The following SLC6A15 variants were observed in gnomAD, a reference collection of about 807,000 sequenced individuals.
SLC6A15 encodes sodium-dependent neutral amino acid transporter B(0)AT2.
In SLC6A15, 33 loss-of-function variants were observed where a neutral mutation model predicts 68.5. That is an observed-to-expected ratio of 0.48 (90% confidence interval 0.37 to 0.64). The LOEUF (loss-of-function observed/expected upper bound fraction) is 0.64. Ranked by LOEUF, SLC6A15 falls within the 30% of genes least tolerant of loss-of-function variation. The probability of loss-of-function intolerance (pLI) is 0.00; values close to 1 mark genes in which losing one functional copy is unlikely to be tolerated. For synonymous variants in SLC6A15, 347 were observed against 301.0 expected (o/e 1.15, Z -1.58); for missense variants, 747 against 874.3 (o/e 0.85, Z 1.84).
At chr12:84,873,890 C>T (rs1041198758) in intron 6 of SLC6A15, among the ~76,000 whole-genome samples, 1 of 152,118 alleles carries the variant, frequency 6.6e-6, no homozygotes, top group Non-Finnish European at 1.5e-5. Context: ...AAGAAATTCA[C>T]CTATATTGTC....
chr12:84,891,285 A>T (rs1263931170), intron 2 of SLC6A15, among the ~76,000 whole-genome samples: 1 of 152,204 alleles, frequency 6.6e-6, no homozygotes, highest in Non-Finnish European at 1.5e-5. Flanking sequence ...AATGCCTAAG[A>T]ATGAAGAATG....
chr12:84,876,372 C>A, intron 6 of SLC6A15, 125 bp downstream of exon 6: 1 of 511,222 alleles, frequency 2.0e-6, no homozygotes, highest in Non-Finnish European at 3.4e-6. Context: ...TGGTTAACAA[C>A]TATAATTTAA....
At chr12:84,881,751 T>A in intron 5 of SLC6A15, 1 of 894,550 alleles carries the variant, frequency 1.1e-6, no homozygotes, top group Non-Finnish European at 1.3e-6. Context: ...ACACTGTTTA[T>A]TTGGAGGCAT....
chr12:84,909,138 C>T (rs187983194), intron 1 of SLC6A15, among the ~76,000 whole-genome samples: 193 of 152,232 alleles, frequency 1.3e-3, no homozygotes, highest in African/African-American at 4.6e-3. Context: ...GCACTACCAC[C>T]AGCAATGCAT....
intron 9 of SLC6A15, among the ~76,000 whole-genome samples, chr12:84,870,185 TGTCA>T (rs139643887): frequency 0.042 from 6,310 of 151,434 alleles, 390 homozygotes; most frequent in African/African-American, 0.14. Flanking sequence ...TTTATTCTAG[TGTCA>T]GTCATTCTTG....
At chr12:84,871,129 G>T (rs1302127116) in intron 8 of SLC6A15, among the ~76,000 whole-genome samples, 1 of 150,630 alleles carries the variant, frequency 6.6e-6, no homozygotes, top group East Asian at 1.9e-4. Context: ...TCAATCAATT[G>T]TTGTTATATA....
chr12:84,880,572 TAGTA>T (rs1045743389), intron 5 of SLC6A15, among the ~76,000 whole-genome samples: 37 of 152,306 alleles, frequency 2.4e-4, no homozygotes, highest in African/African-American at 8.7e-4. Flanking sequence ...GTCTAGAACA[TAGTA>T]AGTGCTTAAT....
intron 5 of SLC6A15, chr12:84,882,548 G>A: frequency 1.3e-6 from 1 of 779,074 alleles, no homozygotes; most frequent in Non-Finnish European, 1.6e-6. Context: ...AGATGAATTA[G>A]ACAGACTTCT....
chr12:84,896,472 G>A (rs919959563), intron 1 of SLC6A15, among the ~76,000 whole-genome samples: 3 of 152,068 alleles, frequency 2.0e-5, no homozygotes, highest in African/African-American at 4.8e-5. Flanking sequence ...GTTATGGACC[G>A]TAAAGCCTAA....
intron 5 of SLC6A15, chr12:84,883,223 AAAT>A: frequency 1.0e-6 from 1 of 985,178 alleles, no homozygotes; most frequent in Non-Finnish European, 1.2e-6. Context: ...CGTCCTTTAA[AAAT>A]AATAACAAAC....
intron 1 of SLC6A15, among the ~76,000 whole-genome samples, chr12:84,906,016 T>G (rs569989212): frequency 6.0e-4 from 92 of 152,296 alleles, no homozygotes; most frequent in African/African-American, 1.6e-3. Context: ...AGTATTCAAT[T>G]TTTTTGCAGA....
intron 1 of SLC6A15, among the ~76,000 whole-genome samples, chr12:84,906,245 T>C (rs553156154): frequency 6.6e-6 from 1 of 152,282 alleles, no homozygotes; most frequent in South Asian, 2.1e-4. Context: ...ACCTGGATGG[T>C]ACATTTTTGC....
At chr12:84,876,714 G>T in intron 5 of SLC6A15, 107 bp from the exon 6 acceptor site, 1 of 521,724 alleles carries the variant, frequency 1.9e-6, no homozygotes, top group Non-Finnish European at 3.3e-6. Flanking sequence ...TTTCATGACA[G>T]GATTAATAAA....
chr12:84,862,212 A>G (rs1226104739), intron 11 of SLC6A15, among the ~76,000 whole-genome samples: 2 of 152,086 alleles, frequency 1.3e-5, no homozygotes, highest in African/African-American at 4.8e-5. Flanking sequence ...TTCTTAGAAT[A>G]TTGCCCTGAA....
In SLC6A15 at chr12:84,910,928, C is replaced by CGTGT. The variant is rs34335324; in HGVS notation, c.-189+1591_-189+1594dup. On this transcript the variant is annotated intron_variant, in intron 1 of 11. Coordinates refer to ENST00000266682, the MANE Select transcript of SLC6A15 (RefSeq NM_182767.6). ...ATTTGCTGTTGAGCCGCCCTCTTTC[C>CGTGT]GTGTGTGTGTGTGTGTGTGTGTGTG... Among the ~76,000 whole-genome samples, 326 of 143,540 alleles carry CGTGT rather than the reference C, an allele frequency of 2.3e-3. 4 individuals carry two copies. Among genetic ancestry groups the CGTGT allele is most frequent in the Non-Finnish European group, 3.2e-3 (217 of 67,038 alleles). The allele number at this position is 143,540 out of a possible 152,430, so 94.2% of individuals were successfully genotyped here.
Position 84,863,595 on chromosome 12 carries a change from C to A in SLC6A15, c.1662G>T (p.Met554Ile). The change falls in exon 11 of 12, where the codon ATG (methionine) becomes ATT (isoleucine). Residue 554 changes from methionine (M) to isoleucine (I), a missense_variant. By Grantham distance (10) the Met-to-Ile change is conservative. Coordinates refer to ENST00000266682, the MANE Select transcript of SLC6A15 (RefSeq NM_182767.6). ...VCFVYGIDKF[M>I]EDLKDMLGFA... ...AGCCCAGCATATCTTTTAGGTCTTC[C>A]ATAAACCTGAATAAAAAGAAAGTAT... is the stretch of plus-strand genomic sequence containing the variant. 6.5e-7 allele frequency: 1 copy of A among 1,529,094 alleles called. No homozygotes were observed. Among genetic ancestry groups the A allele is most frequent in the Non-Finnish European group, 8.7e-7 (1 of 1,146,490 alleles). The allele number at this position is 1,529,094 out of a possible 1,614,324, so 94.7% of individuals were successfully genotyped here. A position where few individuals can be genotyped will look rare whatever the true frequency, so the allele number is the denominator to read the frequency against.
At chr12:84,902,278 TA>T (rs1358905747) in intron 1 of SLC6A15, among the ~76,000 whole-genome samples, 1 of 152,002 alleles carries the variant, frequency 6.6e-6, no homozygotes, top group Non-Finnish European at 1.5e-5. Context: ...ATTAAATGTA[TA>T]TTTTTTTTCC....
chr12:84,907,394 T>C (rs1304296723), intron 1 of SLC6A15, among the ~76,000 whole-genome samples: 2 of 151,468 alleles, frequency 1.3e-5, no homozygotes, highest in Non-Finnish European at 2.9e-5. Flanking sequence ...ATAAATAAAA[T>C]AAGAAAACAG....
chr12:84,896,390 G>A (rs1264227792), intron 1 of SLC6A15, among the ~76,000 whole-genome samples: 2 of 151,858 alleles, frequency 1.3e-5, no homozygotes, highest in African/African-American at 4.8e-5. Flanking sequence ...AAAAGATTGT[G>A]TTGGCACGTA....
Sources: allele counts gnomAD v4.1 joint callset (sites outside exome capture counted in the v4.1 genomes callset), GRCh38; gene constraint gnomAD v4.1.1; transcripts MANE v1.5; gene names NCBI Gene and HGNC (gene_info 2026-07-23, HGNC 2026-07-21).